Variants in MBD3 observed in about 807,000 individuals in gnomAD.
MBD3 encodes the protein methyl-CpG binding domain protein 3.
Under a neutral mutation model 31.2 loss-of-function variants are expected in MBD3, and 13 were observed. That is an observed-to-expected ratio of 0.42 (90% CI 0.27 to 0.66). The LOEUF (loss-of-function observed/expected upper bound fraction) is 0.66. Ranked by LOEUF, MBD3 falls within the 30% of genes least tolerant of loss-of-function variation. The pLI, the probability that MBD3 is intolerant of heterozygous loss-of-function variation, is 0.26. For synonymous variants in MBD3, 223 were observed against 187.4 expected, an observed-to-expected ratio of 1.19 and a Z score of -1.55; for missense variants, 440 against 426.5, an observed-to-expected ratio of 1.03 and a Z score of -0.28.
Position 1,584,468 on chromosome 19 carries a change from C to T in MBD3, c.408+72G>A, listed in dbSNP as rs2060667948. ...ACTACGTCCGCTCCACGTACGACCT[C>T]ATTCCAAACGTCCACCCACCAAAGT... is the stretch of plus-strand genomic sequence containing the variant. On this transcript the variant is annotated intron_variant, in intron 3 of 6. Coordinates refer to ENST00000434436, the MANE Select transcript of MBD3 (RefSeq NM_001281453.2). 5.6e-6 allele frequency: 9 copies of T among 1,598,216 alleles called. No individual in the cohort carries two copies. The South Asian group carries it at 9.9e-5, about 18-fold the overall frequency.
At chr19:1,584,395 T>A (rs1387275335) in intron 3 of MBD3, 145 bp downstream of exon 3, 1 of 1,280,188 alleles carries the variant, frequency 7.8e-7, no homozygotes, top group East Asian at 2.4e-5. Context: ...TTTTTACTTG[T>A]TTTTTGCCTC....
chr19:1,579,654 G>A lies in MBD3; in HGVS notation c.678-1116C>T, dbSNP rs374778874. Among the ~76,000 whole-genome samples, 28 of 152,124 alleles carry A rather than the reference G, an allele frequency of 1.8e-4. No homozygotes were observed. The East Asian group carries it at 3.5e-3, about 19-fold the overall frequency. ...CCCTCTCACTCTGTCCCCACCACCC[G>A]GAACACCCTGGCTCACCTACTCGAC... On this transcript the variant is annotated intron_variant, in intron 5 of 6. Transcript: ENST00000434436.
intron 5 of MBD3, among the ~76,000 whole-genome samples, chr19:1,579,697 C>T (rs1194523723): frequency 1.3e-5 from 2 of 152,200 alleles, no homozygotes; most frequent in South Asian, 2.1e-4. Context: ...ACCACCTGCT[C>T]GTCATCTTTC....
Position 1,592,738 on chromosome 19 carries a change from G to A in MBD3, c.-107C>T, listed in dbSNP as rs2060712319. On this transcript the variant is annotated 5_prime_UTR_variant, in exon 1 of 7. Coordinates refer to ENST00000434436, the MANE Select transcript of MBD3 (RefSeq NM_001281453.2). ...GCTGCCGCTGCCGCCGCCGCCACTT[G>A]CCGCGGCTGTTCCGGCCCGCGGGCC... The A allele has an allele frequency of 4.2e-6, 1 of 239,666 alleles. No homozygotes were observed. The highest frequency in any genetic ancestry group is 6.7e-6 in the Non-Finnish European group (1 of 149,734). The allele number at this position is 239,666 out of a possible 1,614,324, so 14.8% of individuals were successfully genotyped here. A position where few individuals can be genotyped will look rare whatever the true frequency, so the allele number is the denominator to read the frequency against.
Position 1,585,254 on chromosome 19 carries a change from C to G in MBD3, c.111-40G>C, listed in dbSNP as rs2060673734. 6.5e-7 allele frequency: 1 copy of G among 1,542,398 alleles called. No individual in the cohort carries two copies. Among genetic ancestry groups the G allele is most frequent in the African/African-American group, 1.4e-5 (1 of 73,228 alleles). On this transcript the variant is annotated intron_variant, in intron 1 of 6. Coordinates refer to ENST00000434436, the MANE Select transcript of MBD3 (RefSeq NM_001281453.2). This position sits in a 1 kb window ranked among gnomAD's most constrained non-coding sequence, Gnocchi z 4.1. Reference sequence around the variant, plus strand: ...GACGGTCGGCGCCCCGGGCGGACCCCAGACCCCAAACCCAGGCCTCGGCCG... The same window carrying G: ...GACGGTCGGCGCCCCGGGCGGACCCGAGACCCCAAACCCAGGCCTCGGCCG...
intron 1 of MBD3, among the ~76,000 whole-genome samples, chr19:1,587,123 G>A (rs1247127403): frequency 1.3e-5 from 2 of 151,692 alleles, no homozygotes; most frequent in Non-Finnish European, 2.9e-5. Flanking sequence ...CCACCACCAC[G>A]CCCGGCTAAT....
rs1210150039 is a variant in MBD3 at position 1,578,565 on chromosome 19, A to G, written c.678-27T>C. 3 of 1,610,130 alleles carry G rather than the reference A, an allele frequency of 1.9e-6. No individual in the cohort carries two copies. The highest frequency in any genetic ancestry group is 2.7e-5 in the African/African-American group (2 of 74,910). ...TGGGGACACATGGACCTTGCGTTAC[A>G]CCAAGGTGAGCGGCCAGCAGGACAT... is the stretch of plus-strand genomic sequence containing the variant. On this transcript the variant is annotated intron_variant, in intron 5 of 6. Coordinates refer to ENST00000434436, the MANE Select transcript of MBD3 (RefSeq NM_001281453.2). This position sits in a 1 kb window ranked among gnomAD's most constrained non-coding sequence, Gnocchi z 6.1.
intron 1 of MBD3, among the ~76,000 whole-genome samples, chr19:1,590,804 C>T (rs1212162397): frequency 6.6e-6 from 1 of 152,216 alleles, no homozygotes; most frequent in Non-Finnish European, 1.5e-5. Context: ...GCACCCCCAA[C>T]AGAAAACGCA....
chr19:1,584,709 G>A, intron 2 of MBD3, 32 bp from the exon 3 acceptor site: 1 of 1,601,148 alleles, frequency 6.2e-7, no homozygotes, highest in African/African-American at 1.3e-5. Flanking sequence ...GTCCGGCCTG[G>A]GGGCGCCCCG....
At chr19:1,583,841 AGACCGGGTCTCGCTCTGTC>A (rs1356350478) in intron 3 of MBD3, among the ~76,000 whole-genome samples, 1 of 152,180 alleles carries the variant, frequency 6.6e-6, no homozygotes, top group Non-Finnish European at 1.5e-5. Context: ...TTTATTTTTG[AGACCGGGTCTCGCTCTGTC>A]GCCCAGGCAG....
In MBD3 at chr19:1,575,005, C is replaced by T. The variant is rs1247217583; in HGVS notation, c.*3159G>A. Reference sequence around the variant, plus strand: ...AGCCCTGTGGTCCGTGTGGCTGGGCCGAGGGCTGGGAGGTGCATCCTCGCC... The same window carrying T: ...AGCCCTGTGGTCCGTGTGGCTGGGCTGAGGGCTGGGAGGTGCATCCTCGCC... On this transcript the variant is annotated 3_prime_UTR_variant, in exon 7 of 7. Coordinates refer to ENST00000434436, the MANE Select transcript of MBD3 (RefSeq NM_001281453.2). 2 of 356,148 alleles carry T rather than the reference C, an allele frequency of 5.6e-6. No individual in the cohort carries two copies. The highest frequency in any genetic ancestry group is 5.7e-6 in the Non-Finnish European group (1 of 176,688). The allele number at this position is 356,148 out of a possible 1,614,324, so 22.1% of individuals were successfully genotyped here.
chr19:1,587,855 GCT>G (rs1417765172), intron 1 of MBD3, among the ~76,000 whole-genome samples: 2 of 151,392 alleles, frequency 1.3e-5, no homozygotes, highest in East Asian at 1.9e-4. Context: ...TTGGTGGGTA[GCT>G]CTGTTTTGCT....
rs2060676999 is a variant in MBD3, at chr19:1,585,878, C to A, written c.111-664G>T. 6.5e-6 allele frequency: 1 copy of A among 153,644 alleles called. No individual in the cohort carries two copies. Among genetic ancestry groups the A allele is most frequent in the African/African-American group, 2.4e-5 (1 of 41,456 alleles). The allele number at this position is 153,644 out of a possible 1,614,324, so 9.5% of individuals were successfully genotyped here. A position where few individuals can be genotyped will look rare whatever the true frequency, so the allele number is the denominator to read the frequency against. On this transcript the variant is annotated intron_variant, in intron 1 of 6. Coordinates refer to ENST00000434436, the MANE Select transcript of MBD3 (RefSeq NM_001281453.2). This position sits in a 1 kb window ranked among gnomAD's most constrained non-coding sequence, Gnocchi z 4.1. The stretch of plus-strand genomic sequence containing the variant: ...GGGCATAACCCGACTGGAGAGCTCG[C>A]AACAAGGCAGCCAGGTAAACACAGA...
At chr19:1,579,121 T>C (rs1917286213) in intron 5 of MBD3, among the ~76,000 whole-genome samples, 2 of 139,240 alleles carry the variant, frequency 1.4e-5, no homozygotes, top group African/African-American at 5.5e-5. Flanking sequence ...GAGGCGGAGG[T>C]TGCAGTGGGC....
chr19:1,590,438 G>T (rs1411567162), intron 1 of MBD3, among the ~76,000 whole-genome samples: 1 of 152,010 alleles, frequency 6.6e-6, no homozygotes, highest in Non-Finnish European at 1.5e-5. Flanking sequence ...TCTAGTCTAG[G>T]CAACACAGCA....
intron 2 of MBD3, 126 bp downstream of exon 2, chr19:1,584,929 G>A (rs1599344905): frequency 7.4e-7 from 1 of 1,360,394 alleles, no homozygotes; most frequent in East Asian, 2.5e-5. Flanking sequence ...TCCGCTCTGT[G>A]CCCTCCGCCC....
chr19:1,585,816 C>T lies in MBD3; in HGVS notation c.111-602G>A, dbSNP rs1030519417. On this transcript the variant is annotated intron_variant, in intron 1 of 6. Transcript: ENST00000434436. The surrounding 1 kb of genome is among the most constrained non-coding windows in gnomAD (Gnocchi z 4.1). The stretch of plus-strand genomic sequence containing the variant: ...GCAGGGCCAGACTGGGAAGGGGTCT[C>T]GTTCTAAGATCTGGGGCCAGGCCCT... 6.4e-6 allele frequency: 1 copy of T among 155,804 alleles called. No individual in the cohort carries two copies. The highest frequency in any genetic ancestry group is 1.4e-5 in the Non-Finnish European group (1 of 70,420). 9.7% of individuals were successfully genotyped at this position (155,804 alleles called of 1,614,324 possible).
At position 1,573,826 on chromosome 19, in the gene MBD3, AC is replaced by A. The variant is rs1456630146; in HGVS notation, c.*4337del. ...TTTTGCCCGTGGCCAACATGGTGAA[AC>A]CCTGTCTCTACTAAAAGTACAAAGA... On this transcript the variant is annotated 3_prime_UTR_variant, in exon 7 of 7. Transcript: ENST00000434436. The A allele has an allele frequency of 1.3e-5, 2 of 152,082 alleles. No homozygotes were observed. The highest frequency in any genetic ancestry group is 4.8e-5 in the African/African-American group (2 of 41,392). 9.4% of individuals were successfully genotyped at this position (152,082 alleles called of 1,614,324 possible).
chr19:1,588,235 TGG>T (rs2060688037), intron 1 of MBD3, among the ~76,000 whole-genome samples: 1 of 152,222 alleles, frequency 6.6e-6, no homozygotes, highest in African/African-American at 2.4e-5. Flanking sequence ...GACAAGTGCC[TGG>T]GGGTCTGAAA....
Sources: allele counts gnomAD v4.1 joint callset (sites outside exome capture counted in the v4.1 genomes callset), GRCh38; gene constraint gnomAD v4.1.1; non-coding constraint Gnocchi (gnomAD v3.1); transcripts MANE v1.5; gene names NCBI Gene and HGNC (gene_info 2026-07-23, HGNC 2026-07-21).